C4orf50: variants seen among roughly 807,000 people sequenced by gnomAD.
C4orf50 encodes chromosome 4 open reading frame 50, also known as uncharacterized protein C4orf50.
C4orf50 carries 80 observed loss-of-function variants against 77.2 expected under a neutral mutation model. That is an observed-to-expected ratio of 1.04 (90% CI 0.87 to 1.25). The LOEUF is 1.25. Ranked by LOEUF, C4orf50 falls within the 50% of genes most tolerant of loss-of-function variation. C4orf50 has a pLI of 0.00. For synonymous variants in C4orf50, 532 were observed against 465.3 expected (o/e 1.14, Z -1.84); for missense variants, 1,257 against 1,152.9 (o/e 1.09, Z -1.31).
intron 7 of C4orf50, among the ~76,000 whole-genome samples, chr4:5,925,886 C>G (rs1052125301): frequency 2.6e-5 from 4 of 152,152 alleles, no homozygotes; most frequent in Non-Finnish European, 5.9e-5. Flanking sequence ...CTGGAGAGGG[C>G]TGGGAGGAGA....
chr4:5,958,030 CCTTGTT>C lies in C4orf50; in HGVS notation c.*1339_*1344del, dbSNP rs1480692550. ...GGAGCCGTCAGTTCCTTGTCCTTGTCCTTGTTTGTCCTTCCATGAAGGGACAGTCAC... is the reference window on the plus strand; with the variant it reads ...GGAGCCGTCAGTTCCTTGTCCTTGTCTGTCCTTCCATGAAGGGACAGTCAC... On this transcript the variant is annotated 3_prime_UTR_variant, in exon 34 of 34. Transcript: ENST00000531445. This position sits in a 1 kb window ranked among gnomAD's most constrained non-coding sequence, Gnocchi z 5.4. The C allele has an allele frequency of 1.3e-5, 2 of 152,126 alleles. No homozygotes were observed. Among genetic ancestry groups the C allele is most frequent in the African/African-American group, 4.8e-5 (2 of 41,446 alleles). The allele number at this position is 152,126 out of a possible 1,614,324, so 9.4% of individuals were successfully genotyped here.
chr4:5,953,566 G>T (rs1718819902), downstream of C4orf50, among the ~76,000 whole-genome samples: 1 of 152,218 alleles, frequency 6.6e-6, no homozygotes, highest in Non-Finnish European at 1.5e-5. Context: ...AATCCTGCCA[G>T]TGAGCAGAGA....
rs58696068 is a variant in C4orf50 at position 5,980,431 on chromosome 4, GTTT to G, written c.3700-96_3700-94del. ...ACGGTACCCGTTTCCCCACTCCGTA[GTTT>G]TTTTTTTTGTTGTTGTTGTTTTCCT... On this transcript the variant is annotated intron_variant, in intron 28 of 33. Transcript: ENST00000531445. The G allele has an allele frequency of 3.3e-3, 3,101 of 941,346 alleles. 13 individuals are homozygous for G. The highest frequency in any genetic ancestry group is 4.0e-3 in the Non-Finnish European group (2,649 of 661,780). The allele number at this position is 941,346 out of a possible 1,614,324, so 58.3% of individuals were successfully genotyped here.
At position 5,939,630 on chromosome 4, in the gene C4orf50, G is replaced by T. The variant is rs559928970; in HGVS notation, c.*2474+17271C>A. On this transcript the variant is annotated intron_variant, in intron 7 of 7. Coordinates refer to the C4orf50 transcript ENST00000324058. ...CATTTCCTACTCCCCACCCTGCACA[G>T]CTTTGGAATGTGGCAAACGTCTGGA... 2.0e-5 allele frequency among the ~76,000 whole-genome samples: 3 copies of T among 152,190 alleles called. No individual in the cohort carries two copies. In the East Asian group the frequency reaches 5.8e-4, roughly 30 times the overall value.
At chr4:5,976,102 C>A (rs1720265774) in intron 29 of C4orf50, 147 bp from the exon 8 acceptor site, 1 of 654,514 alleles carries the variant, frequency 1.5e-6, no homozygotes, top group Non-Finnish European at 2.8e-6. Context: ...AGGGGCCTTT[C>A]CCACCACCTG....
exon 34 of C4orf50, chr4:5,957,211 C>G (rs1719011089): frequency 1.3e-5 from 2 of 152,266 alleles, no homozygotes; most frequent in African/African-American, 4.8e-5. Context: ...TCTGCCCAGG[C>G]CCAGCACGTG....
Position 5,975,968 on chromosome 4 carries a change from C to A in C4orf50, c.3865-13G>T. 1.2e-6 allele frequency: 2 copies of A among 1,612,812 alleles called. No individual in the cohort carries two copies. The highest frequency in any genetic ancestry group is 1.7e-6 in the Non-Finnish European group (2 of 1,178,854). On this transcript the variant is annotated splice_polypyrimidine_tract_variant and intron_variant, in intron 29 of 33. Coordinates refer to ENST00000531445, the Ensembl canonical transcript of C4orf50. ...GAAGTTCTTCAAGCTGAAATAAAAG[C>A]GACATTTTTGACAACACTGCACTGT...
downstream of C4orf50, among the ~76,000 whole-genome samples, chr4:5,956,256 A>T (rs1371411609): frequency 6.6e-6 from 1 of 151,978 alleles, no homozygotes; most frequent in South Asian, 2.1e-4. Flanking sequence ...TTTGCTCATG[A>T]TTTCTCCTAG....
At chr4:6,003,647 G>C (rs1721949660) in intron 25 of C4orf50, among the ~76,000 whole-genome samples, 1 of 121,554 alleles carries the variant, frequency 8.2e-6, no homozygotes, top group Non-Finnish European at 1.7e-5. Context: ...TGATGTGATA[G>C]TGATGATGGT....
intron 25 of C4orf50, among the ~76,000 whole-genome samples, chr4:6,003,392 G>A (rs1721924812): frequency 6.6e-6 from 1 of 152,236 alleles, no homozygotes; most frequent in South Asian, 2.1e-4. Context: ...TACTAGATGA[G>A]CACAAGCCCA....
At chr4:5,977,976 G>A (rs531001391) in intron 29 of C4orf50, among the ~76,000 whole-genome samples, 3 of 152,292 alleles carry the variant, frequency 2.0e-5, no homozygotes, top group South Asian at 2.1e-4. Context: ...TCAACAAAAA[G>A]AGAGTCAATT....
chr4:5,902,395 T>G (rs1296593301), intron 7 of C4orf50: 1 of 152,212 alleles, frequency 6.6e-6, no homozygotes, highest in Non-Finnish European at 1.5e-5. Flanking sequence ...CAGTGGCTAA[T>G]GCGTCAAGCT....
chr4:5,975,811 G>C, intron 30 of C4orf50, 88 bp downstream of exon 8: 2 of 1,042,810 alleles, frequency 1.9e-6, no homozygotes, highest in Admixed American at 3.5e-5. Flanking sequence ...TTATACAATA[G>C]AGGTGGATTA....
At chr4:6,004,775 G>A (rs1427234371) in intron 25 of C4orf50, among the ~76,000 whole-genome samples, 4 of 149,340 alleles carry the variant, frequency 2.7e-5, no homozygotes, top group East Asian at 2.0e-4. Flanking sequence ...CAGTGATGAC[G>A]GCGATGGTGA....
chr4:6,002,290 T>C (rs958348943), intron 25 of C4orf50, among the ~76,000 whole-genome samples: 5 of 152,188 alleles, frequency 3.3e-5, no homozygotes, highest in African/African-American at 1.2e-4. Flanking sequence ...AGAAGCTGGG[T>C]GTGGCAAGGA....
downstream of C4orf50, chr4:5,957,004 G>C (rs1718997264): frequency 6.6e-6 from 1 of 152,398 alleles, no homozygotes; most frequent in East Asian, 1.9e-4. Context: ...CAGGCGAGGG[G>C]AGTCCGCCAT....
chr4:5,943,352 C>T (rs1221275422), intron 7 of C4orf50, among the ~76,000 whole-genome samples: 3 of 152,214 alleles, frequency 2.0e-5, no homozygotes, highest in African/African-American at 7.2e-5. Flanking sequence ...CAGGGGTTCA[C>T]ATTTGGAATA....
rs1722670084 is a variant in C4orf50 at position 6,015,967 on chromosome 4, G to T, written c.287+2178C>A. On this transcript the variant is annotated intron_variant, in intron 23 of 33. Transcript: ENST00000531445. This position sits in a 1 kb window ranked among gnomAD's most constrained non-coding sequence, Gnocchi z 4.4. ...ATGTCGACATAGTCCCAGCCTGCGT[G>T]AGTGTGCGCGTGGGTGTGAGTGTCC... Among the ~76,000 whole-genome samples the T allele has an allele frequency of 6.6e-6, 1 of 152,186 alleles. No individual in the cohort carries two copies. Among genetic ancestry groups the T allele is most frequent in the Non-Finnish European group, 1.5e-5 (1 of 68,030 alleles).
At chr4:5,985,298 A>G (rs1342580846) in intron 28 of C4orf50, among the ~76,000 whole-genome samples, 1 of 152,180 alleles carries the variant, frequency 6.6e-6, no homozygotes, top group Admixed American at 6.5e-5. Context: ...CAGAATAAGA[A>G]CATGTAAAGA....
Sources: allele counts gnomAD v4.1 joint callset (sites outside exome capture counted in the v4.1 genomes callset), GRCh38; gene constraint gnomAD v4.1.1; non-coding constraint Gnocchi (gnomAD v3.1); transcripts MANE v1.5; gene names NCBI Gene and HGNC (gene_info 2026-07-23, HGNC 2026-07-21).